Variants in NCKAP5 observed in about 807,000 individuals in gnomAD.
The protein encoded by NCKAP5 is nck-associated protein 5.
Under a neutral mutation model 167.0 loss-of-function variants are expected in NCKAP5, and 92 were observed. That is an observed-to-expected ratio of 0.55 (90% confidence interval 0.47 to 0.66). The LOEUF (loss-of-function observed/expected upper bound fraction) is 0.66. Ranked by LOEUF, NCKAP5 falls within the 30% of genes least tolerant of loss-of-function variation. NCKAP5 has a pLI of 0.00. For missense variants in NCKAP5, 2,378 were observed against 2,315.0 expected (o/e 1.03, Z -0.56); for synonymous variants, 891 against 877.4 (o/e 1.02, Z -0.27).
intron 5 of NCKAP5, among the ~76,000 whole-genome samples, chr2:133,141,467 A>G (rs183877334): frequency 2.9e-4 from 44 of 152,008 alleles, no homozygotes; most frequent in Non-Finnish European, 5.7e-4. Flanking sequence ...CTGTAGCTGG[A>G]ATCCTTATAT....
At chr2:132,866,117 T>A (rs558359333) in intron 10 of NCKAP5, among the ~76,000 whole-genome samples, 2 of 152,328 alleles carry the variant, frequency 1.3e-5, no homozygotes, top group Admixed American at 6.5e-5. Context: ...AGAAAACACA[T>A]CATCGAAATA....
intron 11 of NCKAP5, among the ~76,000 whole-genome samples, chr2:132,818,712 A>G (rs901624187): frequency 1.3e-5 from 2 of 152,048 alleles, no homozygotes; most frequent in Admixed American, 6.6e-5. Context: ...ATTTGGATGG[A>G]AAAAAAATGC....
chr2:132,939,247 A>G (rs1697094768), intron 8 of NCKAP5, among the ~76,000 whole-genome samples: 1 of 152,234 alleles, frequency 6.6e-6, no homozygotes, highest in South Asian at 2.1e-4. Flanking sequence ...GAAAGTTGAG[A>G]GGGCAGTACA....
At chr2:133,669,187 T>C in the NCKAP5 span, among the ~76,000 whole-genome samples, 7 of 152,224 alleles carry the variant, frequency 4.6e-5, no homozygotes, top group South Asian at 1.2e-3. Context: ...AAGAGGGGAA[T>C]GAAAATAAGG....
intron 4 of NCKAP5, among the ~76,000 whole-genome samples, chr2:133,243,114 T>A (rs1296145336): frequency 6.6e-6 from 1 of 152,170 alleles, no homozygotes; most frequent in Non-Finnish European, 1.5e-5. Flanking sequence ...ATATATTTTT[T>A]AAAAAGGCTA....
chr2:132,725,609 A>C lies in NCKAP5; in HGVS notation c.5713+18T>G. The C allele has an allele frequency of 1.2e-6, 2 of 1,601,480 alleles. No homozygotes were observed. The highest frequency in any genetic ancestry group is 1.7e-6 in the Non-Finnish European group (2 of 1,175,228). On this transcript the variant is annotated intron_variant, in intron 19 of 19. Coordinates refer to ENST00000409261, the MANE Select transcript of NCKAP5 (RefSeq NM_207363.3). ...AGAGAGAGGAACCTGCAGGGCCAGC[A>C]AGTTCGCTGGTTGTTACCTGGGGCA...
At chr2:132,949,242 G>A (rs1475723134) in intron 8 of NCKAP5, among the ~76,000 whole-genome samples, 1 of 152,126 alleles carries the variant, frequency 6.6e-6, no homozygotes, top group Non-Finnish European at 1.5e-5. Flanking sequence ...CGTATTCTGA[G>A]GCTTTGACAT....
chr2:133,472,186 C>A (rs1367734557), intron 3 of NCKAP5, among the ~76,000 whole-genome samples: 1 of 152,038 alleles, frequency 6.6e-6, no homozygotes, highest in East Asian at 1.9e-4. Context: ...CCCTAAAATT[C>A]TGCTTGTTTC....
chr2:133,422,197 A>G (rs1044681012), intron 3 of NCKAP5, among the ~76,000 whole-genome samples: 1 of 152,248 alleles, frequency 6.6e-6, no homozygotes. Context: ...GGACCAGGCT[A>G]TATCAGGAAG....
At chr2:132,892,894 T>A in intron 8 of NCKAP5, among the ~76,000 whole-genome samples, 1 of 150,510 alleles carries the variant, frequency 6.6e-6, no homozygotes, top group Admixed American at 6.6e-5. Flanking sequence ...AATACCAGCG[T>A]GTTTGAACCC....
chr2:132,675,240 T>C (rs1684283283), intron 19 of NCKAP5, among the ~76,000 whole-genome samples: 1 of 152,236 alleles, frequency 6.6e-6, no homozygotes, highest in South Asian at 2.1e-4. Context: ...ATTGAGGCCC[T>C]GAGGGCAGAC....
intron 3 of NCKAP5, among the ~76,000 whole-genome samples, chr2:133,365,233 C>T (rs535455764): frequency 2.0e-5 from 3 of 152,224 alleles, no homozygotes; most frequent in Non-Finnish European, 2.9e-5. Flanking sequence ...GACATGGTTA[C>T]TGAAATAAGC....
intron 2 of NCKAP5, among the ~76,000 whole-genome samples, chr2:133,520,386 C>T (rs1386557478): frequency 2.0e-5 from 3 of 152,084 alleles, no homozygotes; most frequent in African/African-American, 7.2e-5. Flanking sequence ...TACCTTACTC[C>T]CTACTAGCAG....
chr2:132,798,680 G>A (rs1350095967), intron 11 of NCKAP5, among the ~76,000 whole-genome samples: 1 of 152,128 alleles, frequency 6.6e-6, no homozygotes, highest in African/African-American at 2.4e-5. Context: ...TTATCCAAAT[G>A]GGTCCCTTCC....
chr2:133,336,402 A>G (rs768142776), intron 3 of NCKAP5, among the ~76,000 whole-genome samples: 5 of 152,108 alleles, frequency 3.3e-5, no homozygotes, highest in Non-Finnish European at 7.4e-5. Flanking sequence ...TAACAGGCCA[A>G]GTGCAAACAG....
intron 6 of NCKAP5, among the ~76,000 whole-genome samples, chr2:133,016,555 G>A (rs570731235): frequency 9.9e-5 from 15 of 152,248 alleles, no homozygotes; most frequent in Middle Eastern, 3.4e-3. Flanking sequence ...TTTGGAATCC[G>A]TAATTAAATA....
intron 7 of NCKAP5, among the ~76,000 whole-genome samples, chr2:132,990,189 T>G (rs1218842659): frequency 6.6e-6 from 1 of 152,126 alleles, no homozygotes; most frequent in Non-Finnish European, 1.5e-5. Flanking sequence ...AAGCCTGAGT[T>G]AGGAAGCAGA....
chr2:133,326,508 C>T (rs990190164), intron 3 of NCKAP5, among the ~76,000 whole-genome samples: 3 of 150,362 alleles, frequency 2.0e-5, no homozygotes, highest in Non-Finnish European at 3.0e-5. Flanking sequence ...CAAAGCTGGT[C>T]ACAGAGCTGG....
chr2:133,612,633 T>C, the NCKAP5 span, among the ~76,000 whole-genome samples: 1 of 152,228 alleles, frequency 6.6e-6, no homozygotes, highest in African/African-American at 2.4e-5. Flanking sequence ...AAATGTTCTT[T>C]CTGGGGGCCT....
Sources: allele counts gnomAD v4.1 joint callset (sites outside exome capture counted in the v4.1 genomes callset), GRCh38; gene constraint gnomAD v4.1.1; transcripts MANE v1.5; gene names NCBI Gene and HGNC (gene_info 2026-07-23, HGNC 2026-07-21).